The following TSHZ3 variants were observed in gnomAD, a reference collection of about 807,000 sequenced individuals.
TSHZ3 encodes teashirt homolog 3.
TSHZ3 carries 10 observed loss-of-function variants against 64.5 expected under a neutral mutation model. The observed-to-expected ratio is 0.16, with a 90% CI of 0.10 to 0.26. TSHZ3 has a LOEUF of 0.26. Ranked by LOEUF, TSHZ3 falls within the 10% of genes least tolerant of loss-of-function variation. TSHZ3 has a pLI of 1.00. For missense variants in TSHZ3, 1,242 were observed against 1,421.7 expected (o/e 0.87, Z 2.03); for synonymous variants, 608 against 593.1 (o/e 1.03, Z -0.36).
At chr19:31,188,425 A>G (rs1974847069) in intron 5 of TSHZ3, among the ~76,000 whole-genome samples, 1 of 151,922 alleles carries the variant, frequency 6.6e-6, no homozygotes, top group Non-Finnish European at 1.5e-5. Flanking sequence ...GATGTGATGA[A>G]AGTGAATTTT....
chr19:31,300,641 T>C (rs4805671), intron 1 of TSHZ3, among the ~76,000 whole-genome samples: 88,296 of 151,988 alleles, frequency 0.58, 26,087 homozygotes, highest in East Asian at 0.82. Context: ...ACAGCGTGCA[T>C]GGAGCTGACG....
At chr19:31,267,533 T>A (rs1215647560) in intron 1 of TSHZ3, among the ~76,000 whole-genome samples, 1 of 152,006 alleles carries the variant, frequency 6.6e-6, no homozygotes, top group Non-Finnish European at 1.5e-5. Flanking sequence ...CTCCTCAGCA[T>A]CTCCTTCTTT....
At chr19:31,202,340 C>T (rs915960265) in intron 5 of TSHZ3, among the ~76,000 whole-genome samples, 3 of 151,950 alleles carry the variant, frequency 2.0e-5, no homozygotes, top group Admixed American at 6.6e-5. Context: ...GTCTAGATAT[C>T]GCTGTATGTA....
chr19:31,207,809 T>G (rs1180312899), intron 4 of TSHZ3: 1 of 152,100 alleles, frequency 6.6e-6, no homozygotes, highest in Non-Finnish European at 1.5e-5. Flanking sequence ...TGCTAAACAG[T>G]AGTTTAGTGC....
chr19:31,347,844 G>C (rs1296886938), intron 1 of TSHZ3, among the ~76,000 whole-genome samples: 1 of 152,192 alleles, frequency 6.6e-6, no homozygotes, highest in East Asian at 1.9e-4. Flanking sequence ...GGGGTCTGGA[G>C]TGCAGAGTGC....
At chr19:31,158,057 G>A (rs1236909282) in intron 5 of TSHZ3, among the ~76,000 whole-genome samples, 1 of 152,156 alleles carries the variant, frequency 6.6e-6, no homozygotes, top group Non-Finnish European at 1.5e-5. Flanking sequence ...TGGGATTGAG[G>A]ACAAAACTAT....
At chr19:31,154,130 G>C (rs969290925) in intron 6 of TSHZ3, among the ~76,000 whole-genome samples, 1 of 152,166 alleles carries the variant, frequency 6.6e-6, no homozygotes, top group African/African-American at 2.4e-5. Context: ...GGGCTTACCT[G>C]CAGGGCCCAG....
intron 1 of TSHZ3, among the ~76,000 whole-genome samples, chr19:31,318,838 G>C (rs542718722): frequency 6.7e-4 from 102 of 152,326 alleles, no homozygotes; most frequent in African/African-American, 2.3e-3. Flanking sequence ...TCTAAATGAT[G>C]AGATTTCCAT....
chr19:31,338,208 G>T (rs891831488), intron 1 of TSHZ3, among the ~76,000 whole-genome samples: 1 of 152,208 alleles, frequency 6.6e-6, no homozygotes, highest in African/African-American at 2.4e-5. Context: ...GCAGCTGGGG[G>T]CTGTGTCAGT....
At chr19:31,318,815 T>C (rs1916680777) in intron 1 of TSHZ3, among the ~76,000 whole-genome samples, 1 of 152,206 alleles carries the variant, frequency 6.6e-6, no homozygotes, top group South Asian at 2.1e-4. Flanking sequence ...TAAAAGTATC[T>C]TAACTTGCCA....
intron 1 of TSHZ3, among the ~76,000 whole-genome samples, chr19:31,316,650 A>G (rs1916610264): frequency 6.6e-6 from 1 of 152,210 alleles, no homozygotes; most frequent in South Asian, 2.1e-4. Context: ...ATAAGAAAGT[A>G]AAAAAGCAAA....
intron 1 of TSHZ3, among the ~76,000 whole-genome samples, chr19:31,261,707 C>A (rs887495445): frequency 6.6e-6 from 1 of 152,162 alleles, no homozygotes; most frequent in Non-Finnish European, 1.5e-5. Flanking sequence ...ACAAGTGGAG[C>A]TGGGACTCGG....
intron 5 of TSHZ3, among the ~76,000 whole-genome samples, chr19:31,171,918 A>G (rs950992101): frequency 5.3e-5 from 8 of 152,134 alleles, no homozygotes; most frequent in Non-Finnish European, 8.8e-5. Context: ...CCGCTCAGGT[A>G]TTAGAGATCT....
chr19:31,178,454 T>C (rs998359660), intron 5 of TSHZ3, among the ~76,000 whole-genome samples: 5 of 152,156 alleles, frequency 3.3e-5, no homozygotes, highest in Admixed American at 3.3e-4. Flanking sequence ...CCAAGTCAGG[T>C]GGATCGCCTG....
intron 5 of TSHZ3, among the ~76,000 whole-genome samples, chr19:31,180,432 A>G (rs1039136007): frequency 6.6e-6 from 1 of 152,168 alleles, no homozygotes; most frequent in Non-Finnish European, 1.5e-5. Context: ...ACATCTAAAC[A>G]TGGACTGAAA....
chr19:31,157,323 T>C lies in TSHZ3; in HGVS notation n.810-906A>G, dbSNP rs139183373. ...AACTAGAGTAGGAATCAGCAAACTGTGGCCAGCAAGCCAAATCTTGTCTGT... is the reference window on the plus strand; with the variant it reads ...AACTAGAGTAGGAATCAGCAAACTGCGGCCAGCAAGCCAAATCTTGTCTGT... On this transcript the variant is annotated intron_variant and non_coding_transcript_variant, in intron 5 of 6. Coordinates refer to the TSHZ3 transcript ENST00000651361. Among the ~76,000 whole-genome samples the C allele has an allele frequency of 1.4e-4, 22 of 152,336 alleles. No individual in the cohort carries two copies. The East Asian group carries it at 3.9e-3, about 27-fold the overall frequency.
chr19:31,307,855 T>C (rs945893153), intron 1 of TSHZ3, among the ~76,000 whole-genome samples: 1 of 152,218 alleles, frequency 6.6e-6, no homozygotes, highest in African/African-American at 2.4e-5. Context: ...CATTCATCTT[T>C]GATCTCTTTG....
At chr19:31,298,584 C>T (rs1976700683) in intron 1 of TSHZ3, among the ~76,000 whole-genome samples, 1 of 152,160 alleles carries the variant, frequency 6.6e-6, no homozygotes, top group Non-Finnish European at 1.5e-5. Context: ...TGCAGCAGTA[C>T]TGTCTGGGAA....
At chr19:31,330,471 G>T (rs540774635) in intron 1 of TSHZ3, among the ~76,000 whole-genome samples, 1 of 152,338 alleles carries the variant, frequency 6.6e-6, no homozygotes, top group East Asian at 1.9e-4. Context: ...GCAGGGAGGA[G>T]CAGGTCAGTG....
Sources: gnomAD v4.1 joint callset for allele counts (sites outside exome capture counted in the v4.1 genomes callset) on GRCh38, gnomAD v4.1.1 for gene constraint, MANE v1.5 for transcripts, NCBI Gene and HGNC (gene_info 2026-07-23, HGNC 2026-07-21) for gene names.